The following ADCY10 variants were observed in gnomAD, a reference collection of about 807,000 sequenced individuals.
The protein encoded by ADCY10 is adenylate cyclase type 10.
ADCY10 carries 156 observed loss-of-function variants against 183.3 expected under a neutral mutation model. That is an observed-to-expected ratio of 0.85 (90% CI 0.75 to 0.97). The LOEUF (loss-of-function observed/expected upper bound fraction) is 0.97. ADCY10 is among the 50% of genes least tolerant of loss of function. The pLI is 0.00. For synonymous variants in ADCY10, 645 were observed against 670.0 expected (o/e 0.96, Z 0.58); for missense variants, 1,745 against 1,934.3 (o/e 0.90, Z 1.84).
intron 19 of ADCY10, among the ~76,000 whole-genome samples, 191 bp from the exon 20 acceptor site, chr1:167,846,454 A>G (rs1339090556): frequency 6.6e-6 from 1 of 152,254 alleles, no homozygotes; most frequent in African/African-American, 2.4e-5. Context: ...GGAGTACTAA[A>G]GATGCAGGCT....
At chr1:167,846,339 G>A in intron 19 of ADCY10, 76 bp from the exon 20 acceptor site, 2 of 1,543,906 alleles carry the variant, frequency 1.3e-6, no homozygotes, top group Non-Finnish European at 1.8e-6. Context: ...TATAGAGCAG[G>A]TGGACAACCA....
chr1:167,851,656 A>C (rs1035636457), intron 18 of ADCY10, among the ~76,000 whole-genome samples: 2 of 152,008 alleles, frequency 1.3e-5, no homozygotes, highest in African/African-American at 4.8e-5. Flanking sequence ...CCCCGTCTCT[A>C]CTAAAAATGC....
At chr1:167,874,654 G>A (rs186805039) in intron 13 of ADCY10, among the ~76,000 whole-genome samples, 2 of 152,134 alleles carry the variant, frequency 1.3e-5, no homozygotes, top group Non-Finnish European at 2.9e-5. Flanking sequence ...TTCACCAAAA[G>A]ACTTGTGTAA....
chr1:167,886,211 T>C (rs1263209289), intron 8 of ADCY10, among the ~76,000 whole-genome samples: 1 of 152,124 alleles, frequency 6.6e-6, no homozygotes, highest in Non-Finnish European at 1.5e-5. Context: ...AAAGTTCATA[T>C]GGAACCAAAA....
At chr1:167,816,089 G>T (rs1662513225) in intron 31 of ADCY10, among the ~76,000 whole-genome samples, 1 of 146,900 alleles carries the variant, frequency 6.8e-6, no homozygotes. Context: ...AAAGAGGAAA[G>T]TAACATCAGA....
intron 21 of ADCY10, among the ~76,000 whole-genome samples, chr1:167,845,032 T>G (rs1279638863): frequency 6.6e-6 from 1 of 152,192 alleles, no homozygotes; most frequent in African/African-American, 2.4e-5. Flanking sequence ...TTGGTATTAT[T>G]GGCTTGTAAC....
chr1:167,828,444 G>C (rs1663474411), intron 26 of ADCY10, among the ~76,000 whole-genome samples: 1 of 152,070 alleles, frequency 6.6e-6, no homozygotes, highest in African/African-American at 2.4e-5. Flanking sequence ...ATTCTCTCAT[G>C]AATATACACT....
In ADCY10 at chr1:167,818,171, G is replaced by A. The variant is rs376100922; in HGVS notation, c.4383C>T (p.Asp1461=). 52 of 1,613,964 alleles carry A rather than the reference G, an allele frequency of 3.2e-5. No homozygotes were observed. The highest frequency in any genetic ancestry group is 8.3e-5 in the Admixed American group (5 of 59,990). The part of the protein sequence containing the change: ...PRRTMTLTYY[D]GISRYMEGQV... ...GCCCCTCCATGTACCTAGATATTCCGTCATAGTAAGTAAGTGTCATGGTTC... is the reference window on the plus strand; with the variant it reads ...GCCCCTCCATGTACCTAGATATTCCATCATAGTAAGTAAGTGTCATGGTTC... Residue 1461 remains aspartate, a synonymous_variant, in exon 31 of 33, where the codon GAC becomes GAT. Coordinates refer to ENST00000367851, the MANE Select transcript of ADCY10 (RefSeq NM_018417.6).
At chr1:167,894,523 G>C (rs1392255593) in intron 7 of ADCY10, among the ~76,000 whole-genome samples, 3 of 152,128 alleles carry the variant, frequency 2.0e-5, no homozygotes, top group Admixed American at 6.5e-5. Flanking sequence ...AGACTGATAA[G>C]AGATGGTAGG....
In ADCY10 at chr1:167,810,742, A is replaced by G. The variant is rs1662148983; in HGVS notation, c.4654T>C (p.Trp1552Arg). The G allele has an allele frequency of 6.2e-7, 1 of 1,614,236 alleles. No homozygotes were observed. Among genetic ancestry groups the G allele is most frequent in the Non-Finnish European group, 8.5e-7 (1 of 1,180,042 alleles). The change falls in exon 32 of 33, where the codon TGG becomes CGG. Residue 1552 changes from tryptophan to arginine, a missense_variant. Transcript: ENST00000367851. ...ATACATACTTTGTTCATGTTCAGCC[A>G]GCATTTCTCCAGTATATTCCCCTGT... ...ETQGNILEKC[W>R]LNMNKESWYS...
intron 14 of ADCY10, among the ~76,000 whole-genome samples, chr1:167,869,246 G>C (rs1033699534): frequency 1.3e-5 from 2 of 152,120 alleles, no homozygotes; most frequent in Middle Eastern, 3.2e-3. Flanking sequence ...CTGCTCCCTT[G>C]CTTGCTGCCT....
chr1:167,816,512 C>T (rs918636594), intron 31 of ADCY10, among the ~76,000 whole-genome samples: 5 of 152,102 alleles, frequency 3.3e-5, no homozygotes, highest in Non-Finnish European at 5.9e-5. Flanking sequence ...CGCCACTGCA[C>T]TCCAGCCTGG....
chr1:167,854,248 C>T, intron 18 of ADCY10, 105 bp downstream of exon 18: 3 of 1,405,198 alleles, frequency 2.1e-6, no homozygotes, highest in Non-Finnish European at 3.0e-6. Context: ...CCTTCTGACT[C>T]TACAGGAAGC....
At chr1:167,846,870 C>A (rs1352836487) in intron 19 of ADCY10, among the ~76,000 whole-genome samples, 1 of 151,798 alleles carries the variant, frequency 6.6e-6, no homozygotes, top group East Asian at 1.9e-4. Context: ...CTGTTAGGGA[C>A]AAAATTAGAA....
rs746134741 is a variant in ADCY10, at chr1:167,893,926, G to A, written c.755C>T (p.Ala252Val). 6.2e-7 allele frequency: 1 copy of A among 1,613,106 alleles called. No homozygotes were observed. Among genetic ancestry groups the A allele is most frequent in the Non-Finnish European group, 8.5e-7 (1 of 1,179,288 alleles). Residue 252 changes from alanine to valine, a missense_variant, in exon 8 of 33, where the codon GCA becomes GTA. By Grantham distance (64) the Ala-to-Val change is moderately conservative. Transcript: ENST00000367851. ...TTCAGGATCAGGCTTCAGCGTGCAT[G>A]CAAGCCTCAGGAGGTCTAAGAAGGC... is the stretch of plus-strand genomic sequence containing the variant. ...SGEHKNLLRLACTLKPDPELE... is the reference protein window; with the variant it reads ...SGEHKNLLRLVCTLKPDPELE...
Position 167,854,413 on chromosome 1 carries a change from G to A in ADCY10, c.2248C>T (p.Leu750Phe), listed in dbSNP as rs567147633. ...TCAGACTCCGTTTGTTGGAAAACGA[G>A]TACCTCATGATGTTCCAGGTTTTTA... ...LLKNLEHHEV[L>F]VFQQTESEEK... The change falls in exon 18 of 33, where the codon CTC (leucine) becomes TTC (phenylalanine). Residue 750 changes from leucine to phenylalanine, a missense_variant. Transcript: ENST00000367851. 3 of 1,614,182 alleles carry A rather than the reference G, an allele frequency of 1.9e-6. No homozygotes were observed. Among genetic ancestry groups the A allele is most frequent in the Non-Finnish European group, 2.5e-6 (3 of 1,180,030 alleles).
chr1:167,833,979 G>C lies in ADCY10; in HGVS notation c.3408C>G (p.Leu1136=), dbSNP rs1449898076. Reference sequence around the variant, plus strand: ...TTTAATGGTTTCTTACCTCACCTTTGAGGCTGTAAAAGGTGGCAGACTCAA... The same window carrying C: ...TTTAATGGTTTCTTACCTCACCTTTCAGGCTGTAAAAGGTGGCAGACTCAA... ...QTFESATFYS[L]KGEVCFNMGQ... The change falls in exon 24 of 33, where the codon CTC becomes CTG. Residue 1136 remains leucine, a synonymous_variant. Coordinates refer to ENST00000367851, the MANE Select transcript of ADCY10 (RefSeq NM_018417.6). The C allele has an allele frequency of 6.2e-7, 1 of 1,613,324 alleles. No individual in the cohort carries two copies. The highest frequency in any genetic ancestry group is 8.5e-7 in the Non-Finnish European group (1 of 1,179,438).
intron 1 of ADCY10, among the ~76,000 whole-genome samples, chr1:167,910,556 C>G (rs1197841700): frequency 6.6e-6 from 1 of 152,124 alleles, no homozygotes; most frequent in Admixed American, 6.5e-5. Flanking sequence ...CCTACCTTCT[C>G]CTTGAGGTAG....
At chr1:167,864,420 A>G (rs1468308243) in intron 14 of ADCY10, among the ~76,000 whole-genome samples, 1 of 152,184 alleles carries the variant, frequency 6.6e-6, no homozygotes, top group Non-Finnish European at 1.5e-5. Context: ...GGAAGCCTAG[A>G]CAGGTCCCTT....
Sources: gnomAD v4.1 joint callset for allele counts (sites outside exome capture counted in the v4.1 genomes callset) on GRCh38, gnomAD v4.1.1 for gene constraint, MANE v1.5 for transcripts, NCBI Gene and HGNC (gene_info 2026-07-23, HGNC 2026-07-21) for gene names.